The following FANCB variants were observed in gnomAD, a reference collection of about 807,000 sequenced individuals.
The protein encoded by FANCB is FA complementation group B.
FANCB carries 5 observed loss-of-function variants against 38.9 expected under a neutral mutation model. That is an observed-to-expected ratio of 0.13 (90% confidence interval 0.07 to 0.27). FANCB has a LOEUF of 0.27. Ranked by LOEUF, FANCB falls within the 10% of genes least tolerant of loss-of-function variation. The probability of loss-of-function intolerance (pLI) is 1.00; values close to 1 mark genes in which losing one functional copy is unlikely to be tolerated. For missense variants in FANCB, 573 were observed against 602.7 expected (o/e 0.95, Z 0.52); for synonymous variants, 236 against 215.4 (o/e 1.10, Z -0.84).
the FANCB span, among the ~76,000 whole-genome samples, chrX:14,735,048 G>A: frequency 6.5e-5 from 7 of 107,783 alleles, no homozygotes; most frequent in African/African-American, 1.4e-4. Context: ...TATACTTCAC[G>A]AAGTTCTCAT....
At chrX:14,850,243 G>A (rs2092395031) in intron 7 of FANCB, among the ~76,000 whole-genome samples, 1 of 111,381 alleles carries the variant, frequency 9.0e-6, no homozygotes, top group African/African-American at 3.3e-5. Context: ...CCAGCTACTG[G>A]GGATGCTGAG....
chrX:14,862,208 T>C (rs188771287), intron 3 of FANCB: 2 of 111,413 alleles, frequency 1.8e-5, no homozygotes, highest in African/African-American at 6.5e-5. Flanking sequence ...AGGACCTGAA[T>C]ACGCCCAAAG....
At chrX:14,765,969 C>A in the FANCB span, among the ~76,000 whole-genome samples, 1 of 111,722 alleles carries the variant, frequency 9.0e-6, no homozygotes, top group Non-Finnish European at 1.9e-5. Flanking sequence ...TCCCCCCTCT[C>A]CCAGGCGACA....
At chrX:14,715,720 C>T in the FANCB span, among the ~76,000 whole-genome samples, 1 of 111,230 alleles carries the variant, frequency 9.0e-6, no homozygotes, top group African/African-American at 3.3e-5. Context: ...TAAAGGGAAG[C>T]AGTTTATAGT....
chrX:14,863,178 C>T (rs912835546), intron 3 of FANCB, among the ~76,000 whole-genome samples: 3 of 111,729 alleles, frequency 2.7e-5, no homozygotes, highest in African/African-American at 9.8e-5. Context: ...ACTTGACATT[C>T]CTCCCCCCAC....
At chrX:14,690,814 C>T in the FANCB span, 1 of 1,206,469 alleles carries the variant, frequency 8.3e-7, no homozygotes, top group Non-Finnish European at 1.1e-6. Flanking sequence ...CCAGGCAACA[C>T]AAGGAGTTCC....
chrX:14,813,797 C>A, the FANCB span, among the ~76,000 whole-genome samples: 3,240 of 111,348 alleles, frequency 0.029, 100 homozygotes, highest in African/African-American at 0.093. Context: ...GCTACCAATG[C>A]CTTTCTTCAC....
At chrX:14,780,904 A>G in the FANCB span, among the ~76,000 whole-genome samples, 2 of 110,017 alleles carry the variant, frequency 1.8e-5, no homozygotes, top group Non-Finnish European at 3.8e-5. Flanking sequence ...AATTTGGCCC[A>G]AGAAATTGGT....
intron 10 of FANCB, among the ~76,000 whole-genome samples, chrX:14,837,727 T>C (rs1460091097): frequency 1.8e-5 from 2 of 112,605 alleles, no homozygotes; most frequent in Admixed American, 1.9e-4. Context: ...TGATAGTGTT[T>C]TATTACAAAC....
At chrX:14,866,358 G>T (rs2092469841) in intron 2 of FANCB, among the ~76,000 whole-genome samples, 1 of 111,602 alleles carries the variant, frequency 9.0e-6, no homozygotes, top group South Asian at 3.7e-4. Context: ...TACAATACAT[G>T]CATTATTTAA....
chrX:14,860,173 TA>T (rs755809007), intron 3 of FANCB, among the ~76,000 whole-genome samples: 3 of 111,635 alleles, frequency 2.7e-5, no homozygotes, highest in Non-Finnish European at 5.7e-5. Context: ...ACAAAAAATC[TA>T]AAACCCCTTC....
the FANCB span, among the ~76,000 whole-genome samples, chrX:14,811,525 G>A: frequency 2.9e-4 from 31 of 107,858 alleles, no homozygotes; most frequent in Non-Finnish European, 3.7e-4. Flanking sequence ...TCCTAGTCTC[G>A]GATAAAACAG....
chrX:14,821,229 T>A, the FANCB span, among the ~76,000 whole-genome samples: 1 of 111,966 alleles, frequency 8.9e-6, no homozygotes, highest in African/African-American at 3.2e-5. Flanking sequence ...AATTCCATAA[T>A]GCCTACAATG....
At chrX:14,812,362 C>T in the FANCB span, among the ~76,000 whole-genome samples, 12 of 109,715 alleles carry the variant, frequency 1.1e-4, 1 homozygote, top group South Asian at 2.7e-3. Flanking sequence ...TTCAAAAAAT[C>T]AATGAATCCA....
the FANCB span, among the ~76,000 whole-genome samples, chrX:14,772,781 G>C: frequency 8.0e-5 from 9 of 111,879 alleles, no homozygotes; most frequent in Non-Finnish European, 1.5e-4. Context: ...ACATAGCTCT[G>C]TGTACCAGAC....
chrX:14,777,138 T>C, the FANCB span, among the ~76,000 whole-genome samples: 1 of 112,021 alleles, frequency 8.9e-6, no homozygotes, highest in East Asian at 2.8e-4. Context: ...CATTGCTGGG[T>C]CTAAAAGCAG....
chrX:14,821,532 G>A, the FANCB span, among the ~76,000 whole-genome samples: 1 of 112,188 alleles, frequency 8.9e-6, no homozygotes, highest in Non-Finnish European at 1.9e-5. Context: ...AAATAGTTAA[G>A]ACATATGACA....
chrX:14,696,853 A>G, the FANCB span, among the ~76,000 whole-genome samples: 14 of 112,213 alleles, frequency 1.2e-4, no homozygotes, highest in Admixed American at 8.5e-4. Context: ...TGCATGTTTG[A>G]CATGGAGATG....
chrX:14,796,471 GATTATATATATAACATAT>G, the FANCB span, among the ~76,000 whole-genome samples: 3 of 92,337 alleles, frequency 3.2e-5, no homozygotes, highest in Non-Finnish European at 6.3e-5. Flanking sequence ...ACATATAATA[GATTATATATATAACATAT>G]ATTATATATA....
Sources: allele counts gnomAD v4.1 joint callset (sites outside exome capture counted in the v4.1 genomes callset), GRCh38; gene constraint gnomAD v4.1.1; transcripts MANE v1.5; gene names NCBI Gene and HGNC (gene_info 2026-07-23, HGNC 2026-07-21).